The following TRPA1 variants were observed in gnomAD, a reference collection of about 807,000 sequenced individuals.
The protein encoded by TRPA1 is transient receptor potential cation channel subfamily A member 1.
Under a neutral mutation model 131.3 loss-of-function variants are expected in TRPA1, and 129 were observed. The ratio of observed to expected loss-of-function variants is 0.98; its 90% CI spans 0.85 to 1.14. TRPA1 has a LOEUF of 1.14. Ranked by LOEUF, TRPA1 falls within the 50% of genes most tolerant of loss-of-function variation. TRPA1 has a pLI of 0.00. For missense variants in TRPA1, 1,304 were observed against 1,354.2 expected (o/e 0.96, Z 0.58); for synonymous variants, 441 against 451.7 (o/e 0.98, Z 0.30).
rs1805859566 is a variant in TRPA1 at position 72,063,535 on chromosome 8, A to G, written c.589T>C (p.Trp197Arg). The change falls in exon 5 of 27, where the codon TGG (tryptophan) becomes CGG (arginine). Residue 197 changes from tryptophan to arginine, a missense_variant. Transcript: ENST00000262209. The part of the protein sequence containing the change: ...KGAKPCKSNK[W>R]GCFPIHQAAF... ...GCTTGGTGAATAGGGAAACATCCCC[A>G]TTTATTTGATTTACATGGCTTAGCT... 6.2e-7 allele frequency: 1 copy of G among 1,613,616 alleles called. No homozygotes were observed. Among genetic ancestry groups the G allele is most frequent in the Admixed American group, 1.7e-5 (1 of 59,968 alleles).
At chr8:72,083,875 T>C in the TRPA1 span, among the ~76,000 whole-genome samples, 190 of 152,336 alleles carry the variant, frequency 1.2e-3, no homozygotes, top group Middle Eastern at 0.014. Flanking sequence ...ATTTAAATTT[T>C]AGTTTTTATC....
chr8:72,064,844 CTCCATCATCTCCATCAT>C (rs1805894389), intron 4 of TRPA1, among the ~76,000 whole-genome samples: 1 of 15,438 alleles, frequency 6.5e-5, no homozygotes, highest in Non-Finnish European at 9.0e-5. Context: ...AGACAATCAT[CTCCATCATCTCCATCAT>C]CTCCATCGCT....
At chr8:72,044,471 T>C (rs1002746776) in intron 17 of TRPA1, among the ~76,000 whole-genome samples, 1 of 152,004 alleles carries the variant, frequency 6.6e-6, no homozygotes, top group African/African-American at 2.4e-5. Flanking sequence ...TAACTCTGCT[T>C]TTAAACTAAT....
intron 25 of TRPA1, among the ~76,000 whole-genome samples, chr8:72,025,243 A>AC (rs1351447512): frequency 1.3e-5 from 2 of 152,002 alleles, no homozygotes; most frequent in East Asian, 3.9e-4. Context: ...ATTGTATCAT[A>AC]GGGGCGGTTT....
rs1250012968 is a variant in TRPA1, at chr8:72,033,654, A to C, written c.2858T>G (p.Met953Arg). The C allele has an allele frequency of 1.2e-6, 2 of 1,613,708 alleles. No homozygotes were observed. Among genetic ancestry groups the C allele is most frequent in the Non-Finnish European group, 1.7e-6 (2 of 1,179,740 alleles). ...SFTIFVPIVLMNLLIGLAVGD... is the reference protein window; with the variant it reads ...SFTIFVPIVLRNLLIGLAVGD... ...GAAAAAACTACTTACAAGTAAATTCATGAGGACAATTGGGACAAATATTGT... is the reference window on the plus strand; with the variant it reads ...GAAAAAACTACTTACAAGTAAATTCCTGAGGACAATTGGGACAAATATTGT... Residue 953 changes from methionine (M) to arginine (R), a missense_variant, in exon 23 of 27, where the codon ATG becomes AGG. Physicochemically the swap from Met to Arg is moderately conservative, Grantham distance 91. Coordinates refer to ENST00000262209, the MANE Select transcript of TRPA1 (RefSeq NM_007332.3).
At chr8:72,077,617 T>C (rs919748866), upstream of TRPA1, among the ~76,000 whole-genome samples, 1 of 152,220 alleles carries the variant, frequency 6.6e-6, no homozygotes, top group East Asian at 1.9e-4. Context: ...TTTAGGCATT[T>C]TTCAGGCAGT....
chr8:72,032,493 T>G (rs186157627), intron 23 of TRPA1, among the ~76,000 whole-genome samples: 1 of 152,320 alleles, frequency 6.6e-6, no homozygotes, highest in Admixed American at 6.5e-5. Context: ...GAGATTCTAC[T>G]GAGAGGCAGT....
rs768457472 is a variant in TRPA1 at position 72,069,210 on chromosome 8, AAC to A, written c.269-14_269-13del. On this transcript the variant is annotated splice_polypyrimidine_tract_variant and intron_variant, in intron 2 of 26. Transcript: ENST00000262209. ...CATTTCATGCAGCACTAGAAAAAGA[AAC>A]CAGAATATGGATTAAATTTTGCTTA... The A allele has an allele frequency of 1.9e-6, 3 of 1,614,114 alleles. No individual in the cohort carries two copies. The highest frequency in any genetic ancestry group is 1.7e-5 in the Admixed American group (1 of 60,022).
Position 72,071,727 on chromosome 8 carries a change from T to G in TRPA1, c.252A>C (p.Arg84Ser). 3 of 1,613,818 alleles carry G rather than the reference T, an allele frequency of 1.9e-6. No homozygotes were observed. The South Asian group carries it at 3.3e-5, about 18-fold the overall frequency. The change falls in exon 2 of 27, where the codon AGA (arginine) becomes AGC (serine). Residue 84 changes from arginine to serine, a missense_variant. Arg to Ser is a moderately radical substitution (Grantham distance 110, BLOSUM62 -1). Coordinates refer to ENST00000262209, the MANE Select transcript of TRPA1 (RefSeq NM_007332.3). ...TTTTGTTACCTTCCAAAGAGGAATCTCTGGTGATCTTCTCCATTAGCTCAA... is the reference window on the plus strand; with the variant it reads ...TTTTGTTACCTTCCAAAGAGGAATCGCTGGTGATCTTCTCCATTAGCTCAA... ...GQIELMEKITRDSSLEVLHEM... is the reference protein window; with the variant it reads ...GQIELMEKITSDSSLEVLHEM...
chr8:72,038,838 T>C, intron 19 of TRPA1, 27 bp downstream of exon 19: 1 of 1,592,488 alleles, frequency 6.3e-7, no homozygotes, highest in Non-Finnish European at 8.6e-7. Flanking sequence ...TAATCCTTTA[T>C]TTTAGAAAGT....
intron 17 of TRPA1, among the ~76,000 whole-genome samples, chr8:72,040,248 T>A (rs1812206331): frequency 6.6e-6 from 1 of 152,132 alleles, no homozygotes; most frequent in South Asian, 2.1e-4. Flanking sequence ...CTAGTATTTA[T>A]TTAAAAATTA....
At chr8:72,036,577 G>C (rs542814713) in intron 20 of TRPA1, 120 bp from the exon 21 acceptor site, 181 of 902,894 alleles carry the variant, frequency 2.0e-4, no homozygotes, top group Non-Finnish European at 2.9e-4. Context: ...GAGAAGTTTA[G>C]GACCAAGGAG....
At chr8:72,055,123 T>C (rs1585874622) in intron 12 of TRPA1, 1 of 337,450 alleles carries the variant, frequency 3.0e-6, no homozygotes, top group East Asian at 7.3e-5. Flanking sequence ...CATGATGAGG[T>C]AAAATATGAG....
chr8:72,048,515 T>C (rs977468136), intron 15 of TRPA1, among the ~76,000 whole-genome samples: 1 of 152,004 alleles, frequency 6.6e-6, no homozygotes, highest in Non-Finnish European at 1.5e-5. Flanking sequence ...AAGACAAGAC[T>C]AGCCAGTAGT....
chr8:72,056,895 G>C, intron 10 of TRPA1, 22 bp downstream of exon 10: 1 of 1,531,938 alleles, frequency 6.5e-7, no homozygotes, highest in Non-Finnish European at 9.0e-7. Context: ...TCAGTTAATG[G>C]CAATCCACAG....
intron 17 of TRPA1, among the ~76,000 whole-genome samples, chr8:72,042,440 C>G (rs1323342086): frequency 6.6e-6 from 1 of 151,812 alleles, no homozygotes; most frequent in Non-Finnish European, 1.5e-5. Flanking sequence ...TGCTGAGAAA[C>G]TGGAATCTTT....
At chr8:72,039,416 T>C (rs1812170576) in intron 18 of TRPA1, among the ~76,000 whole-genome samples, 1 of 152,044 alleles carries the variant, frequency 6.6e-6, no homozygotes, top group Admixed American at 6.6e-5. Context: ...AATTTTAGGC[T>C]CTAAAGAGCT....
At chr8:72,070,065 A>T (rs187885506) in intron 2 of TRPA1, among the ~76,000 whole-genome samples, 1 of 152,350 alleles carries the variant, frequency 6.6e-6, no homozygotes, top group African/African-American at 2.4e-5. Flanking sequence ...GCATATAAGT[A>T]ATATGTCTTT....
Position 72,022,314 on chromosome 8 carries a change from A to G in TRPA1, c.*592T>C, listed in dbSNP as rs1585826083. 1 of 165,390 alleles carries G rather than the reference A, an allele frequency of 6.0e-6. No homozygotes were observed. The highest frequency in any genetic ancestry group is 5.7e-5 in the Admixed American group (1 of 17,688). 10.2% of individuals were successfully genotyped at this position (165,390 alleles called of 1,614,324 possible). A position where few individuals can be genotyped will look rare whatever the true frequency, so the allele number is the denominator to read the frequency against. ...AGGCCTATTAATTTGTACTTCAACT[A>G]TATGGCTCAAAGTGACATCAGGTGT... On this transcript the variant is annotated 3_prime_UTR_variant, in exon 27 of 27. Transcript: ENST00000262209.
Sources: allele counts gnomAD v4.1 joint callset (sites outside exome capture counted in the v4.1 genomes callset), GRCh38; gene constraint gnomAD v4.1.1; transcripts MANE v1.5; gene names NCBI Gene and HGNC (gene_info 2026-07-23, HGNC 2026-07-21).